Variants in ABLIM1 observed in about 807,000 individuals in gnomAD.
The protein encoded by ABLIM1 is actin-binding LIM protein 1.
Under a neutral mutation model 107.0 loss-of-function variants are expected in ABLIM1, and 40 were observed. The observed-to-expected ratio is 0.37, with a 90% confidence interval of 0.29 to 0.49. The LOEUF (loss-of-function observed/expected upper bound fraction) is 0.49, where lower values mean the gene tolerates loss of function less well. ABLIM1 is among the 20% of genes least tolerant of loss of function. The probability of loss-of-function intolerance (pLI) is 0.97; values close to 1 mark genes in which losing one functional copy is unlikely to be tolerated. For missense variants in ABLIM1, 857 were observed against 1,008.5 expected (o/e 0.85, Z 2.04); for synonymous variants, 357 against 357.3 (o/e 1.00, Z 0.01).
intron 3 of ABLIM1, among the ~76,000 whole-genome samples, chr10:114,571,851 G>A (rs180854026): frequency 2.0e-5 from 3 of 152,304 alleles, no homozygotes; most frequent in East Asian, 1.9e-4. Context: ...CCCTGGGACC[G>A]TGCCTAGACC....
At chr10:114,720,123 A>G (rs971018530) in intron 1 of ABLIM1, among the ~76,000 whole-genome samples, 1 of 152,026 alleles carries the variant, frequency 6.6e-6, no homozygotes, top group African/African-American at 2.4e-5. Flanking sequence ...AACATGCGGT[A>G]TTTGGTTTTC....
intron 2 of ABLIM1, among the ~76,000 whole-genome samples, chr10:114,590,004 G>A (rs1028035798): frequency 6.6e-6 from 1 of 152,008 alleles, no homozygotes; most frequent in Non-Finnish European, 1.5e-5. Flanking sequence ...CTATACTGGT[G>A]TACCATTTTT....
intron 1 of ABLIM1, among the ~76,000 whole-genome samples, chr10:114,753,265 T>C (rs776767150): frequency 4.6e-5 from 7 of 152,174 alleles, no homozygotes; most frequent in Non-Finnish European, 7.3e-5. Context: ...GAAGAGAGCA[T>C]AGGGCAAGAC....
chr10:114,725,448 G>A (rs961221196), intron 1 of ABLIM1, among the ~76,000 whole-genome samples: 7 of 152,246 alleles, frequency 4.6e-5, no homozygotes, highest in African/African-American at 1.7e-4. Context: ...ACCTGTATGT[G>A]CCAATGTGAC....
chr10:114,583,929 G>C (rs950275538), intron 2 of ABLIM1, among the ~76,000 whole-genome samples: 1 of 151,992 alleles, frequency 6.6e-6, no homozygotes, highest in Non-Finnish European at 1.5e-5. Flanking sequence ...GGTACATATG[G>C]ACATAAAGAT....
At chr10:114,632,382 A>C in intron 1 of ABLIM1, 1 of 985,412 alleles carries the variant, frequency 1.0e-6, no homozygotes, top group Non-Finnish European at 1.2e-6. Flanking sequence ...GACGGTTCCA[A>C]TAAGTAAAAC....
At chr10:114,574,173 A>G (rs1216983465) in intron 3 of ABLIM1, among the ~76,000 whole-genome samples, 1 of 152,328 alleles carries the variant, frequency 6.6e-6, no homozygotes, top group African/African-American at 2.4e-5. Flanking sequence ...AAAACAGACA[A>G]CACGTCTCCT....
intron 6 of ABLIM1, 117 bp downstream of exon 6, chr10:114,544,888 T>C (rs2067123777): frequency 2.1e-6 from 2 of 938,288 alleles, no homozygotes; most frequent in Admixed American, 3.6e-5. Context: ...GCGACTACTT[T>C]CTTTCTCCAC....
chr10:114,579,571 T>C (rs938012807), intron 2 of ABLIM1, among the ~76,000 whole-genome samples: 2 of 152,240 alleles, frequency 1.3e-5, no homozygotes, highest in Non-Finnish European at 2.9e-5. Flanking sequence ...TTTGTAATTT[T>C]ATTTTTAATT....
upstream of ABLIM1, among the ~76,000 whole-genome samples, chr10:114,659,055 A>G (rs2079661794): frequency 6.6e-6 from 1 of 152,158 alleles, no homozygotes; most frequent in Admixed American, 6.5e-5. Context: ...AACCATACAA[A>G]AGTCCCAAGT....
At chr10:114,755,904 C>T (rs1224201129) in intron 1 of ABLIM1, among the ~76,000 whole-genome samples, 1 of 152,186 alleles carries the variant, frequency 6.6e-6, no homozygotes, top group African/African-American at 2.4e-5. Flanking sequence ...TATTTCATGA[C>T]TTTCAGGCTT....
intron 1 of ABLIM1, chr10:114,632,300 T>C (rs895889852): frequency 7.1e-6 from 7 of 985,156 alleles, no homozygotes; most frequent in Middle Eastern, 5.2e-4. Flanking sequence ...TATGAAAAGC[T>C]CCCGAACGCT....
At chr10:114,478,444 T>C (rs1408194786) in intron 8 of ABLIM1, among the ~76,000 whole-genome samples, 2 of 152,212 alleles carry the variant, frequency 1.3e-5, no homozygotes, top group African/African-American at 4.8e-5. Flanking sequence ...ATTTGTAATA[T>C]CCATGTGTCC....
rs1199730291 is a variant in ABLIM1 at position 114,707,848 on chromosome 10, C to T, written c.-213+60213G>A. Among the ~76,000 whole-genome samples the T allele has an allele frequency of 6.6e-6, 1 of 152,014 alleles. No individual in the cohort carries two copies. Among genetic ancestry groups the T allele is most frequent in the Non-Finnish European group, 1.5e-5 (1 of 68,002 alleles). ...CATGGGAGACAGAGGTTGCAGTGAG[C>T]GGAGATTGCACCATTGCACTCTAGC... is the stretch of plus-strand genomic sequence containing the variant. On this transcript the variant is annotated intron_variant, in intron 1 of 15. Coordinates refer to the ABLIM1 transcript ENST00000651092. The surrounding 1 kb of genome is among the most constrained non-coding windows in gnomAD (Gnocchi z 4.1).
rs1291103464 is a variant in ABLIM1 at position 114,453,470 on chromosome 10, G to A, written c.1455C>T (p.Ser485=). ...QHFHRPGNEP[S]SGRNSPLPYR... ...AAGGGAGAGGGGAGTTCCGGCCGCTGGACGGCTCATTGCCTCCAATGAGAA... is the reference window on the plus strand; with the variant it reads ...AAGGGAGAGGGGAGTTCCGGCCGCTAGACGGCTCATTGCCTCCAATGAGAA... Residue 485 remains serine (S), a synonymous_variant, in exon 13 of 23, where the codon TCC becomes TCT. Transcript: ENST00000533213. The A allele has an allele frequency of 3.8e-6, 6 of 1,596,872 alleles. No individual in the cohort carries two copies. Among genetic ancestry groups the A allele is most frequent in the African/African-American group, 1.3e-5 (1 of 74,142 alleles).
At position 114,599,485 on chromosome 10, in the gene ABLIM1, T is replaced by G. The variant is rs372707140; in HGVS notation, c.379+2342A>C. On this transcript the variant is annotated intron_variant, in intron 2 of 22. Coordinates refer to ENST00000533213, the MANE Select transcript of ABLIM1 (RefSeq NM_002313.7). ...TTTCAAAGTAGAAATATAAAATATA[T>G]AGAGAGCTTGGTGCAGTGGCTCACG... 2.7e-4 allele frequency among the ~76,000 whole-genome samples: 41 copies of G among 152,160 alleles called. No homozygotes were observed. The South Asian group carries it at 8.1e-3, about 30-fold the overall frequency.
chr10:114,499,554 G>A (rs1398267599), intron 6 of ABLIM1, among the ~76,000 whole-genome samples: 2 of 152,168 alleles, frequency 1.3e-5, no homozygotes, highest in Admixed American at 1.3e-4. Context: ...TTGCGCATAA[G>A]CAACACCCAA....
intron 1 of ABLIM1, among the ~76,000 whole-genome samples, chr10:114,715,656 G>C (rs2081644839): frequency 6.6e-6 from 1 of 151,996 alleles, no homozygotes; most frequent in Admixed American, 6.6e-5. Context: ...AGTTCAAAGA[G>C]GTCAACAACG....
At chr10:114,780,504 G>A in the ABLIM1 span, among the ~76,000 whole-genome samples, 1 of 152,112 alleles carries the variant, frequency 6.6e-6, no homozygotes, top group African/African-American at 2.4e-5. Context: ...TAAAGCAGAG[G>A]GGACTTCCTT....
Sources: allele counts gnomAD v4.1 joint callset (sites outside exome capture counted in the v4.1 genomes callset), GRCh38; gene constraint gnomAD v4.1.1; non-coding constraint Gnocchi (gnomAD v3.1); transcripts MANE v1.5; gene names NCBI Gene and HGNC (gene_info 2026-07-23, HGNC 2026-07-21).